Variants in ZMPSTE24 observed in about 807,000 individuals in gnomAD.
ZMPSTE24 encodes CAAX prenyl protease 1 homolog.
In ZMPSTE24, 48 loss-of-function variants were observed where a neutral mutation model predicts 56.7. The observed-to-expected ratio is 0.85, with a 90% CI of 0.67 to 1.08. The LOEUF (loss-of-function observed/expected upper bound fraction) is 1.08, where lower values mean the gene tolerates loss of function less well. Among genes scored for constraint, ZMPSTE24 ranks in the 50% least tolerant of loss-of-function variants. The pLI is 0.00. For missense variants in ZMPSTE24, 503 were observed against 548.7 expected (o/e 0.92, Z 0.83); for synonymous variants, 172 against 195.2 (o/e 0.88, Z 0.99).
intron 8 of ZMPSTE24, among the ~76,000 whole-genome samples, chr1:40,290,034 TG>T (rs1395252047): frequency 3.3e-5 from 5 of 152,098 alleles, no homozygotes; most frequent in African/African-American, 1.2e-4. Flanking sequence ...TTATAGAAAA[TG>T]ATACAGTTTA....
In ZMPSTE24 at chr1:40,284,273, T is replaced by A. The variant is rs1432276160; in HGVS notation, c.955-1652T>A. Among the ~76,000 whole-genome samples the A allele has an allele frequency of 4.6e-5, 7 of 151,732 alleles. No individual in the cohort carries two copies. In the South Asian group the frequency reaches 8.3e-4, roughly 18 times the overall value. On this transcript the variant is annotated intron_variant, in intron 7 of 9. Coordinates refer to ENST00000372759, the MANE Select transcript of ZMPSTE24 (RefSeq NM_005857.5). ...GGCCTTCAGCTTGGATTTCTAATAA[T>A]TTTTTTATCTGAATTTTCCAATTTA...
At chr1:40,280,618 G>T (rs1244028304) in intron 6 of ZMPSTE24, among the ~76,000 whole-genome samples, 3 of 151,968 alleles carry the variant, frequency 2.0e-5, no homozygotes, top group Admixed American at 6.6e-5. Flanking sequence ...TAGAGACAGG[G>T]TTTCACCATG....
intron 6 of ZMPSTE24, among the ~76,000 whole-genome samples, chr1:40,279,945 G>C (rs775300841): frequency 6.6e-6 from 1 of 152,242 alleles, no homozygotes; most frequent in East Asian, 1.9e-4. Flanking sequence ...CACTGAGCTG[G>C]TCATCGCCCG....
intron 2 of ZMPSTE24, among the ~76,000 whole-genome samples, chr1:40,261,351 A>ATTTT (rs764643306): frequency 1.4e-5 from 2 of 145,864 alleles, no homozygotes; most frequent in Non-Finnish European, 3.0e-5. Flanking sequence ...ATTTGCCTGG[A>ATTTT]TTTTTTTTTT....
chr1:40,281,599 T>A, intron 7 of ZMPSTE24, 72 bp downstream of exon 7: 1 of 1,481,174 alleles, frequency 6.8e-7, no homozygotes, highest in Non-Finnish European at 9.3e-7. Flanking sequence ...CAAAATAACA[T>A]CAATTTCTAG....
chr1:40,290,678 G>A, intron 8 of ZMPSTE24, 176 bp from the exon 9 acceptor site: 1 of 563,986 alleles, frequency 1.8e-6, no homozygotes. Flanking sequence ...TAGCCAGGAT[G>A]GTCTCAATCT....
chr1:40,278,557 CAAAAAAAAAAAAAAAA>C (rs397979953), intron 6 of ZMPSTE24, among the ~76,000 whole-genome samples: 12 of 19,560 alleles, frequency 6.1e-4, no homozygotes, highest in South Asian at 2.3e-3. Context: ...GACTCCGTCT[CAAAAAAAAAAAAAAAA>C]AAAAAAAAAA....
At chr1:40,281,121 A>C (rs368298130) in intron 6 of ZMPSTE24, among the ~76,000 whole-genome samples, 2 of 152,198 alleles carry the variant, frequency 1.3e-5, no homozygotes, top group African/African-American at 4.8e-5. Context: ...TTTAGGCTTT[A>C]CTTATTTACT....
At chr1:40,267,289 TA>T (rs1643559187) in intron 2 of ZMPSTE24, among the ~76,000 whole-genome samples, 1 of 152,096 alleles carries the variant, frequency 6.6e-6, no homozygotes, top group Non-Finnish European at 1.5e-5. Context: ...TAATTTATGC[TA>T]AATGTGAAAT....
rs184115413 is a variant in ZMPSTE24, at chr1:40,268,651, A to G, written c.474+116A>G. Reference sequence around the variant, plus strand: ...ATTTCAGAGTATGAATTGAGAAAAAAGGGAACTACAGATATGGTAAAGATC... The same window carrying G: ...ATTTCAGAGTATGAATTGAGAAAAAGGGGAACTACAGATATGGTAAAGATC... On this transcript the variant is annotated intron_variant, in intron 4 of 9. Coordinates refer to ENST00000372759, the MANE Select transcript of ZMPSTE24 (RefSeq NM_005857.5). The G allele has an allele frequency of 7.1e-4, 515 of 728,300 alleles. 3 individuals are homozygous for G. In the African/African-American group the frequency reaches 8.3e-3, roughly 12 times the overall value. The allele number at this position is 728,300 out of a possible 1,614,324, so 45.1% of individuals were successfully genotyped here. A position where few individuals can be genotyped will look rare whatever the true frequency, so the allele number is the denominator to read the frequency against.
At position 40,293,620 on chromosome 1, in the gene ZMPSTE24, CTCTT is replaced by C. The variant is rs1643863574; in HGVS notation, c.*954_*957del. 1 of 152,178 alleles carries C rather than the reference CTCTT, an allele frequency of 6.6e-6. No individual in the cohort carries two copies. Among genetic ancestry groups the C allele is most frequent in the Non-Finnish European group, 1.5e-5 (1 of 68,036 alleles). The allele number at this position is 152,178 out of a possible 1,614,324, so 9.4% of individuals were successfully genotyped here. A position where few individuals can be genotyped will look rare whatever the true frequency, so the allele number is the denominator to read the frequency against. ...CAGGGAAAAAAATATAGTTTTCTATCTCTTTCAAGGGCAGAAGAGTTTTCATTTT... is the reference window on the plus strand; with the variant it reads ...CAGGGAAAAAAATATAGTTTTCTATCTCAAGGGCAGAAGAGTTTTCATTTT... On this transcript the variant is annotated 3_prime_UTR_variant, in exon 10 of 10. Transcript: ENST00000372759.
intron 3 of ZMPSTE24, 46 bp from the exon 4 acceptor site, chr1:40,268,373 G>T: frequency 2.4e-6 from 3 of 1,246,346 alleles, no homozygotes; most frequent in Non-Finnish European, 3.5e-6. Context: ...TGATTTGTTT[G>T]CCAGTAGTTC....
intron 7 of ZMPSTE24, among the ~76,000 whole-genome samples, chr1:40,283,235 G>A (rs1643747884): frequency 6.6e-6 from 1 of 152,166 alleles, no homozygotes; most frequent in Non-Finnish European, 1.5e-5. Context: ...CAGGCACTGT[G>A]GCCCATACCT....
At chr1:40,291,050 C>T (rs1643838731) in intron 9 of ZMPSTE24, 53 bp downstream of exon 9, 4 of 1,600,156 alleles carry the variant, frequency 2.5e-6, no homozygotes, top group Admixed American at 1.7e-5. Context: ...TGCTTCAAAT[C>T]TAGAGCTTTC....
At chr1:40,268,290 C>T in intron 3 of ZMPSTE24, 129 bp from the exon 4 acceptor site, 1 of 735,942 alleles carries the variant, frequency 1.4e-6, no homozygotes. Flanking sequence ...GATGATATTT[C>T]AGACCTTATG....
Position 40,271,878 on chromosome 1 carries a change from G to A in ZMPSTE24, c.628-16G>A, listed in dbSNP as rs753628195. ...TAAGAACATGTTCATATGTTATTCTGACATTTACTTTTCAGGTTCTTGTCA... is the reference window on the plus strand; with the variant it reads ...TAAGAACATGTTCATATGTTATTCTAACATTTACTTTTCAGGTTCTTGTCA... On this transcript the variant is annotated splice_polypyrimidine_tract_variant and intron_variant, in intron 5 of 9. Transcript: ENST00000372759. The A allele has an allele frequency of 6.2e-7, 1 of 1,612,820 alleles. No individual in the cohort carries two copies. The highest frequency in any genetic ancestry group is 8.5e-7 in the Non-Finnish European group (1 of 1,179,166).
chr1:40,284,069 G>C (rs1337790026), intron 7 of ZMPSTE24, among the ~76,000 whole-genome samples: 3 of 149,158 alleles, frequency 2.0e-5, no homozygotes, highest in African/African-American at 7.4e-5. Context: ...CTGAGTAGCT[G>C]GGATTACAGG....
intron 9 of ZMPSTE24, among the ~76,000 whole-genome samples, chr1:40,292,163 A>G (rs1026114639): frequency 6.6e-6 from 1 of 152,148 alleles, no homozygotes; most frequent in African/African-American, 2.4e-5. Context: ...TTTGAGTCTC[A>G]TGTCAGCACT....
chr1:40,271,796 G>A (rs1305312631), intron 5 of ZMPSTE24, 98 bp from the exon 6 acceptor site: 47 of 1,369,362 alleles, frequency 3.4e-5, no homozygotes, highest in East Asian at 2.6e-5. Flanking sequence ...TCAAGTTTGA[G>A]GTCAACATAG....
Sources: gnomAD v4.1 joint callset for allele counts (sites outside exome capture counted in the v4.1 genomes callset) on GRCh38, gnomAD v4.1.1 for gene constraint, MANE v1.5 for transcripts, NCBI Gene and HGNC (gene_info 2026-07-23, HGNC 2026-07-21) for gene names.